Variants in ZNF536 observed in about 807,000 individuals in gnomAD.
ZNF536 encodes zinc finger protein 536.
Under a neutral mutation model 84.5 loss-of-function variants are expected in ZNF536, and 13 were observed. The observed-to-expected ratio is 0.15, with a 90% confidence interval of 0.10 to 0.24. ZNF536 has a LOEUF of 0.24. Among genes scored for constraint, ZNF536 ranks in the 10% least tolerant of loss-of-function variants. The probability of loss-of-function intolerance (pLI) is 1.00; values close to 1 mark genes in which losing one functional copy is unlikely to be tolerated. For synonymous variants in ZNF536, 811 were observed against 742.5 expected (o/e 1.09, Z -1.50); for missense variants, 1,536 against 1,747.5 (o/e 0.88, Z 2.16).
At chr19:30,325,756 G>T (rs1476957700) in intron 2 of ZNF536, among the ~76,000 whole-genome samples, 1 of 152,146 alleles carries the variant, frequency 6.6e-6, no homozygotes, top group Non-Finnish European at 1.5e-5. Flanking sequence ...CCAAATCCTG[G>T]CACAAAATCA....
At chr19:30,655,381 G>A (rs770308419) in intron 1 of ZNF536, among the ~76,000 whole-genome samples, 3 of 152,164 alleles carry the variant, frequency 2.0e-5, no homozygotes, top group Non-Finnish European at 2.9e-5. Context: ...AAAATGGTAC[G>A]TGGTACCCAA....
chr19:30,287,322 G>C (rs1272163619), intron 2 of ZNF536, among the ~76,000 whole-genome samples: 4 of 148,326 alleles, frequency 2.7e-5, no homozygotes, highest in African/African-American at 5.0e-5. Context: ...TAGATGAGTG[G>C]ATGGGTGGGT....
Position 30,644,472 on chromosome 19 carries a change from C to T in ZNF536, c.170-66285C>T, listed in dbSNP as rs1020267627. 4.6e-5 allele frequency among the ~76,000 whole-genome samples: 7 copies of T among 152,122 alleles called. 1 individual carries two copies. The South Asian group carries it at 1.0e-3, about 23-fold the overall frequency. On this transcript the variant is annotated intron_variant, in intron 1 of 1. Coordinates refer to the ZNF536 transcript ENST00000592773. ...TGCTGGTGTGCTGCACCCAGTAACT[C>T]GTCATTTAGCATTAGGTATATCTCC...
chr19:30,625,072 T>A (rs2048626966), intron 1 of ZNF536, among the ~76,000 whole-genome samples: 1 of 152,234 alleles, frequency 6.6e-6, no homozygotes, highest in African/African-American at 2.4e-5. Context: ...GGGCAGTATC[T>A]TTATAGCAGT....
chr19:30,430,209 C>T (rs2051392176), intron 1 of ZNF536, among the ~76,000 whole-genome samples: 1 of 152,214 alleles, frequency 6.6e-6, no homozygotes, highest in African/African-American at 2.4e-5. Context: ...TCCCGGCATC[C>T]CCGCTTTCTC....
At chr19:30,561,434 T>C (rs2046161938), downstream of ZNF536, among the ~76,000 whole-genome samples, 1 of 152,176 alleles carries the variant, frequency 6.6e-6, no homozygotes, top group African/African-American at 2.4e-5. Context: ...GTTAGTCCTC[T>C]CAATCCCCTA....
chr19:30,560,742 G>A (rs1012127815), downstream of ZNF536, among the ~76,000 whole-genome samples: 1 of 152,206 alleles, frequency 6.6e-6, no homozygotes, highest in South Asian at 2.1e-4. Flanking sequence ...TGATGAGATT[G>A]TAGATATTCT....
intron 2 of ZNF536, among the ~76,000 whole-genome samples, chr19:30,336,685 G>A (rs2047394328): frequency 6.6e-6 from 1 of 152,116 alleles, no homozygotes; most frequent in African/African-American, 2.4e-5. Flanking sequence ...GCAGGAGGGA[G>A]GGTACATGCC....
chr19:30,281,118 C>T (rs902376311), intron 1 of ZNF536, among the ~76,000 whole-genome samples: 8 of 152,212 alleles, frequency 5.3e-5, no homozygotes, highest in African/African-American at 1.9e-4. Context: ...TGTGCTCCCA[C>T]TTCCCCTTTG....
Position 30,680,737 on chromosome 19 carries a change from G to A in ZNF536, c.170-30020G>A, listed in dbSNP as rs1388343589. On this transcript the variant is annotated intron_variant, in intron 1 of 1. Transcript: ENST00000592773. ...TACATGTGTATGTGTCTTTATAGCA[G>A]CATGATTTATAGTCCTTTGGGTATA... is the stretch of plus-strand genomic sequence containing the variant. Among the ~76,000 whole-genome samples the A allele has an allele frequency of 1.3e-4, 20 of 152,238 alleles. No homozygotes were observed. The East Asian group carries it at 3.9e-3, about 29-fold the overall frequency.
chr19:30,680,158 A>T (rs553760785), intron 1 of ZNF536, among the ~76,000 whole-genome samples: 92 of 152,300 alleles, frequency 6.0e-4, no homozygotes, highest in African/African-American at 2.2e-3. Context: ...CGGGGACAAG[A>T]AATGGGGAGG....
At chr19:30,438,289 C>T (rs537081333) in intron 1 of ZNF536, among the ~76,000 whole-genome samples, 1 of 152,134 alleles carries the variant, frequency 6.6e-6, no homozygotes, top group African/African-American at 2.4e-5. Flanking sequence ...CTATTATCTC[C>T]ATCTTTATGT....
intron 2 of ZNF536, among the ~76,000 whole-genome samples, chr19:30,507,230 T>C (rs1335411797): frequency 6.6e-6 from 1 of 152,098 alleles, no homozygotes; most frequent in Non-Finnish European, 1.5e-5. Flanking sequence ...GTTGTGGTGA[T>C]GCATGCCTGT....
intron 1 of ZNF536, among the ~76,000 whole-genome samples, chr19:30,243,428 C>G (rs561492595): frequency 1.3e-5 from 2 of 151,968 alleles, no homozygotes; most frequent in South Asian, 4.1e-4. Context: ...CTTTTTCCTC[C>G]GAGGAAATAT....
In ZNF536 at chr19:30,353,528, C is replaced by T. The variant is rs575657195; in HGVS notation, c.-3+1044C>T. 2.7e-4 allele frequency among the ~76,000 whole-genome samples: 41 copies of T among 151,642 alleles called. No homozygotes were observed. In the South Asian group the frequency reaches 3.6e-3, roughly 13 times the overall value. On this transcript the variant is annotated intron_variant, in intron 3 of 5. Coordinates refer to the ZNF536 transcript ENST00000585628. ...TCGCTTCCATCAGTGGATGAGCAGCCCCCCCCTGGCACCGGTGACTTCTCA... is the reference window on the plus strand; with the variant it reads ...TCGCTTCCATCAGTGGATGAGCAGCTCCCCCCTGGCACCGGTGACTTCTCA...
chr19:30,548,260 C>G lies in ZNF536; in HGVS notation c.2641C>G (p.Pro881Ala), dbSNP rs146217744. 13 of 1,614,202 alleles carry G rather than the reference C, an allele frequency of 8.1e-6. No homozygotes were observed. The highest frequency in any genetic ancestry group is 1.0e-5 in the Non-Finnish European group (12 of 1,180,024). The change falls in exon 4 of 5, where the codon CCC becomes GCC. Residue 881 changes from proline to alanine, a missense_variant. Pro to Ala is a conservative substitution (Grantham distance 27, BLOSUM62 -1). Around this residue, in one of 8 missense-constraint regions of ZNF536, gnomAD observed 624 missense variants for 603.1 expected, o/e 1.03. Transcript: ENST00000355537. The stretch of plus-strand genomic sequence containing the variant: ...GGCCACGGGCATGTCTTCGGAGGTC[C>G]CCTCAGATGCTCTGAAAGGCACTGA... ...GQATGMSSEV[P>A]SDALKGTDLP...
chr19:30,444,052 G>C lies in ZNF536; in HGVS notation c.490G>C (p.Asp164His). 1 of 1,613,568 alleles carries C rather than the reference G, an allele frequency of 6.2e-7. No individual in the cohort carries two copies. Among genetic ancestry groups the C allele is most frequent in the Non-Finnish European group, 8.5e-7 (1 of 1,180,012 alleles). ...GAAGCCCTTCAAGTGCCCGTACTGC[G>C]ACCACAGGGCGGCGCAGAAGGGGAA... ...GEKPFKCPYCDHRAAQKGNLK... is the reference protein window; with the variant it reads ...GEKPFKCPYCHHRAAQKGNLK... Residue 164 changes from aspartate to histidine, a missense_variant, in exon 2 of 5, where the codon GAC (aspartate) becomes CAC (histidine). By Grantham distance (81) the Asp-to-His change is moderately conservative (BLOSUM62 -1). Coordinates refer to ENST00000355537, the MANE Select transcript of ZNF536 (RefSeq NM_014717.3).
chr19:30,579,776 A>C (rs2046857023), intron 1 of ZNF536, among the ~76,000 whole-genome samples: 1 of 152,284 alleles, frequency 6.6e-6, no homozygotes, highest in African/African-American at 2.4e-5. Context: ...CTAATACTTT[A>C]GAAGATGTTT....
chr19:30,699,975 CTCTT>C (rs2051830775), intron 1 of ZNF536, among the ~76,000 whole-genome samples: 1 of 152,058 alleles, frequency 6.6e-6, no homozygotes, highest in African/African-American at 2.4e-5. Context: ...TTTCCTTTCT[CTCTT>C]CTTTCTCTTT....
Sources: allele counts gnomAD v4.1 joint callset (sites outside exome capture counted in the v4.1 genomes callset), GRCh38; gene constraint gnomAD v4.1.1; regional missense constraint gnomAD v4.1.1; transcripts MANE v1.5; gene names NCBI Gene and HGNC (gene_info 2026-07-23, HGNC 2026-07-21).